The following STAB1 variants were observed in gnomAD, a reference collection of about 807,000 sequenced individuals.
STAB1 encodes stabilin-1.
In STAB1, 250 loss-of-function variants were observed where a neutral mutation model predicts 332.4. The observed-to-expected ratio is 0.75, with a 90% CI of 0.68 to 0.84. The LOEUF (loss-of-function observed/expected upper bound fraction) is 0.84, where lower values mean the gene tolerates loss of function less well. STAB1 is among the 40% of genes least tolerant of loss of function. STAB1 has a pLI of 0.00. For synonymous variants in STAB1, 1,475 were observed against 1,390.4 expected, an observed-to-expected ratio of 1.06 and a Z score of -1.35; for missense variants, 3,249 against 3,489.7, an observed-to-expected ratio of 0.93 and a Z score of 1.74.
chr3:52,516,606 GGGCGGGTGGGTGAGT>G lies in STAB1; in HGVS notation c.4286+26_4286+40del. 1 of 1,612,786 alleles carries G rather than the reference GGGCGGGTGGGTGAGT, an allele frequency of 6.2e-7. No individual in the cohort carries two copies. The highest frequency in any genetic ancestry group is 8.5e-7 in the Non-Finnish European group (1 of 1,179,996). ...ATGCCAAGTGAGTGGGCCCAGCCTG[GGGCGGGTGGGTGAGT>G]GGCGGGGAGCCTGGGGGTCAAGGCA... On this transcript the variant is annotated intron_variant, in intron 40 of 68. Coordinates refer to ENST00000321725, the MANE Select transcript of STAB1 (RefSeq NM_015136.3).
chr3:52,521,445 G>C lies in STAB1; in HGVS notation c.5993G>C (p.Arg1998Pro). The change falls in exon 56 of 69, where the codon CGT (arginine) becomes CCT (proline). Residue 1998 changes from arginine (R) to proline (P), a missense_variant. By Grantham distance (103) the Arg-to-Pro change is moderately radical. Transcript: ENST00000321725. ...GMSGSGQCLC[R>P]SGFAGTACEL... ...AGTGGCAGTGGGCAGTGTCTGTGCC[G>C]TTCAGGTTTTGCTGGGACAGCCTGT... 6.2e-7 allele frequency: 1 copy of C among 1,614,030 alleles called. No individual in the cohort carries two copies. The highest frequency in any genetic ancestry group is 8.5e-7 in the Non-Finnish European group (1 of 1,180,026).
Position 52,520,230 on chromosome 3 carries a change from G to A in STAB1, c.5439G>A (p.Leu1813=), listed in dbSNP as rs72947532. The A allele has an allele frequency of 5.2e-3, 8,409 of 1,613,086 alleles. 412 individuals are homozygous for A. The African/African-American group carries it at 0.1, about 20-fold the overall frequency. ...VEALASDLPN[L]GPLRTMHGTP... ...CCTTGGCATCTGACCTGCCCAACCT[G>A]GGCCCACTTCGAACCATGCATGGGA... Residue 1813 remains leucine (L), a synonymous_variant, in exon 52 of 69, where the codon CTG becomes CTA. Transcript: ENST00000321725.
chr3:52,505,954 G>T lies in STAB1; in HGVS notation c.1749+18G>T, dbSNP rs767525200. 1.8e-5 allele frequency: 29 copies of T among 1,613,016 alleles called. No individual in the cohort carries two copies. The South Asian group carries it at 3.1e-4, about 17-fold the overall frequency. Reference sequence around the variant, plus strand: ...ACGGCCAGGTGCGAGGTCTTTTTCTGGGGGGCGGCCAGCTTGTACCCGGTG... The same window carrying T: ...ACGGCCAGGTGCGAGGTCTTTTTCTTGGGGGCGGCCAGCTTGTACCCGGTG... On this transcript the variant is annotated intron_variant, in intron 16 of 68. Transcript: ENST00000321725.
chr3:52,516,513 A>T (rs963506394), intron 39 of STAB1, 29 bp from the exon 40 acceptor site: 2 of 1,613,266 alleles, frequency 1.2e-6, no homozygotes, highest in Non-Finnish European at 1.7e-6. Flanking sequence ...CTGGGTCTGA[A>T]TGACCAGAGT....
rs375779383 is a variant in STAB1, at chr3:52,511,716, C to T, written c.2854C>T (p.Arg952Trp). The change falls in exon 26 of 69, where the codon CGG (arginine) becomes TGG (tryptophan). Residue 952 changes from arginine (R) to tryptophan (W), a missense_variant. By Grantham distance (101) the Arg-to-Trp change is moderately radical (BLOSUM62 -3). Coordinates refer to ENST00000321725, the MANE Select transcript of STAB1 (RefSeq NM_015136.3). The stretch of plus-strand genomic sequence containing the variant: ...CCAGTGCAGCCCCATCGACCCCTGC[C>T]GGGCAGGCAATGGCGGCTGCCACGG... ...GYQCSPIDPC[R>W]AGNGGCHGLA... The T allele has an allele frequency of 3.1e-5, 50 of 1,605,542 alleles. No homozygotes were observed. In the Middle Eastern group the frequency reaches 4.9e-4, roughly 16 times the overall value.
chr3:52,507,276 C>A (rs1708946507), intron 18 of STAB1, among the ~76,000 whole-genome samples: 3 of 152,224 alleles, frequency 2.0e-5, no homozygotes, highest in Admixed American at 2.0e-4. Context: ...AACCTCTGAC[C>A]TCAGGTGATC....
At chr3:52,501,959 A>G in intron 3 of STAB1, 47 bp from the exon 4 acceptor site, 1 of 1,605,048 alleles carries the variant, frequency 6.2e-7, no homozygotes, top group Non-Finnish European at 8.5e-7. Flanking sequence ...GGGTCAGGGT[A>G]AGCGGAGGGT....
chr3:52,516,855 C>A lies in STAB1; in HGVS notation c.4363+87C>A, dbSNP rs1354013032. ...CCCCCTTCACTTCCTCTAGGCCCAG[C>A]CCCCCTCACTGTCCCATCTCAGGAC... On this transcript the variant is annotated intron_variant, in intron 41 of 68. Transcript: ENST00000321725. 4.4e-6 allele frequency: 7 copies of A among 1,594,158 alleles called. No homozygotes were observed. The East Asian group carries it at 1.6e-4, about 36-fold the overall frequency.
Position 52,515,463 on chromosome 3 carries a change from C to A in STAB1, c.3905C>A (p.Ser1302Tyr). The change falls in exon 37 of 69, where the codon TCC (serine) becomes TAC (tyrosine). Residue 1302 changes from serine to tyrosine, a missense_variant. Transcript: ENST00000321725. The stretch of plus-strand genomic sequence containing the variant: ...AGCTGTGTCTACCGATCTGGCTTCT[C>A]CTTCTCCCGGGGCTGCTCTTACACA... ...RKSCVYRSGF[S>Y]FSRGCSYTCA... 2 of 1,613,548 alleles carry A rather than the reference C, an allele frequency of 1.2e-6. No homozygotes were observed. The highest frequency in any genetic ancestry group is 1.7e-6 in the Non-Finnish European group (2 of 1,180,016).
chr3:52,520,904 G>C lies in STAB1; in HGVS notation c.5807G>C (p.Trp1936Ser). 6.2e-7 allele frequency: 1 copy of C among 1,608,562 alleles called. No homozygotes were observed. Among genetic ancestry groups the C allele is most frequent in the Non-Finnish European group, 8.5e-7 (1 of 1,177,720 alleles). Reference protein sequence around the residue: ...LRSVWVHPSLWGRPQGLGRGC... With the variant: ...LRSVWVHPSLSGRPQGLGRGC... ...AGCGTCTGGGTCCACCCCAGCCTTT[G>C]GGGTAGGCCCCAAGGCCTGGGCAGG... is the stretch of plus-strand genomic sequence containing the variant. Residue 1936 changes from tryptophan (W) to serine (S), a missense_variant, in exon 55 of 69, where the codon TGG (tryptophan) becomes TCG (serine). Coordinates refer to ENST00000321725, the MANE Select transcript of STAB1 (RefSeq NM_015136.3).
rs199539606 is a variant in STAB1 at position 52,501,236 on chromosome 3, T to C, written c.149T>C (p.Ile50Thr). Residue 50 changes from isoleucine (I) to threonine (T), a missense_variant, in exon 2 of 69, where the codon ATC becomes ACC. Transcript: ENST00000321725. ...THVPCTSCAA[I>T]KKQTCPSGWL... ...GTACCCTGCACCTCGTGCGCGGCCA[T>C]CAAGAAGCAGACGTGTCCCTCAGGC... 8 of 1,613,746 alleles carry C rather than the reference T, an allele frequency of 5.0e-6. No homozygotes were observed. The Admixed American group carries it at 1.3e-4, about 27-fold the overall frequency.
At chr3:52,522,974 C>T in intron 62 of STAB1, 34 bp downstream of exon 62, 1 of 1,602,900 alleles carries the variant, frequency 6.2e-7, no homozygotes, top group South Asian at 1.1e-5. Context: ...ACTTCCCCTG[C>T]TCTGCCCCTT....
chr3:52,497,590 T>C (rs1708133046), intron 1 of STAB1, among the ~76,000 whole-genome samples: 1 of 151,880 alleles, frequency 6.6e-6, no homozygotes, highest in Admixed American at 6.6e-5. Flanking sequence ...TTTTTGTGTT[T>C]TTATTAGAGA....
Position 52,521,868 on chromosome 3 carries a change from C to G in STAB1, c.6188C>G (p.Pro2063Arg). Residue 2063 changes from proline (P) to arginine (R), a missense_variant, in exon 58 of 69, where the codon CCC (proline) becomes CGC (arginine). Transcript: ENST00000321725. Reference protein sequence around the residue: ...QLELQPVCTPPCAPEAVCRAG... With the variant: ...QLELQPVCTPRCAPEAVCRAG... ...GAGCTGCAGCCTGTGTGTACCCCAC[C>G]CTGTGCACCCGAGGCTGTGTGCCGT... 1.2e-6 allele frequency: 2 copies of G among 1,603,578 alleles called. No individual in the cohort carries two copies. The highest frequency in any genetic ancestry group is 2.2e-5 in the East Asian group (1 of 44,732).
chr3:52,499,666 G>A (rs928541662), intron 1 of STAB1, among the ~76,000 whole-genome samples: 6 of 150,554 alleles, frequency 4.0e-5, no homozygotes, highest in South Asian at 2.2e-4. Context: ...TTGGGAGGCC[G>A]AGGCGGGCGG....
Position 52,517,061 on chromosome 3 carries a change from A to T in STAB1, c.4441A>T (p.Thr1481Ser). Residue 1481 changes from threonine to serine, a missense_variant, in exon 42 of 69, where the codon ACA becomes TCA. Transcript: ENST00000321725. ...TACCAAGGTGGCACCTGGGCAGCGG[A>T]CATGCACCTGCCAGGATGGCTACAT... ...NCTKVAPGQR[T>S]CTCQDGYMGD... 6.3e-7 allele frequency: 1 copy of T among 1,598,934 alleles called. No individual in the cohort carries two copies. The highest frequency in any genetic ancestry group is 8.5e-7 in the Non-Finnish European group (1 of 1,172,256).
rs1334603433 is a variant in STAB1 at position 52,517,284 on chromosome 3, T to TAAGGGCCACC, written c.4490-35_4490-26dup. 3 of 1,528,264 alleles carry TAAGGGCCACC rather than the reference T, an allele frequency of 2.0e-6. No individual in the cohort carries two copies. The African/African-American group carries it at 4.2e-5, about 21-fold the overall frequency. The allele number at this position is 1,528,264 out of a possible 1,614,324, so 94.7% of individuals were successfully genotyped here. A position where few individuals can be genotyped will look rare whatever the true frequency, so the allele number is the denominator to read the frequency against. Reference sequence around the variant, plus strand: ...AAGGACAGAGGAAGGGGGGGGCCACTAAGGGCCACCCCCATCCCAGTGTCT... The same window carrying TAAGGGCCACC: ...AAGGACAGAGGAAGGGGGGGGCCACTAAGGGCCACCAAGGGCCACCCCCATCCCAGTGTCT... On this transcript the variant is annotated intron_variant, in intron 42 of 68. Transcript: ENST00000321725.
Position 52,506,678 on chromosome 3 carries a change from G to T in STAB1, c.1831-14G>T. On this transcript the variant is annotated splice_polypyrimidine_tract_variant and intron_variant, in intron 17 of 68. Coordinates refer to ENST00000321725, the MANE Select transcript of STAB1 (RefSeq NM_015136.3). Reference sequence around the variant, plus strand: ...AGCCAGGCTGGGGGTTGGCTCAGTGGGTCTCTGCCGCAGGGGCGCATCCTG... The same window carrying T: ...AGCCAGGCTGGGGGTTGGCTCAGTGTGTCTCTGCCGCAGGGGCGCATCCTG... 2 of 1,601,156 alleles carry T rather than the reference G, an allele frequency of 1.2e-6. No individual in the cohort carries two copies. Among genetic ancestry groups the T allele is most frequent in the South Asian group, 1.1e-5 (1 of 89,690 alleles).
chr3:52,524,481 G>C lies in STAB1; in HGVS notation c.*125G>C. The C allele has an allele frequency of 6.2e-7, 1 of 1,612,836 alleles. No homozygotes were observed. The highest frequency in any genetic ancestry group is 8.5e-7 in the Non-Finnish European group (1 of 1,180,014). The stretch of plus-strand genomic sequence containing the variant: ...CAATAAAGGTGCCCTCAGCGGATGT[G>C]GGCCATGTCACCAAGGAAGGGGGTC... On this transcript the variant is annotated 3_prime_UTR_variant, in exon 69 of 69. Transcript: ENST00000321725.
Sources: allele counts gnomAD v4.1 joint callset (sites outside exome capture counted in the v4.1 genomes callset), GRCh38; gene constraint gnomAD v4.1.1; transcripts MANE v1.5; gene names NCBI Gene and HGNC (gene_info 2026-07-23, HGNC 2026-07-21).